The following NOX3 variants were observed in gnomAD, a reference collection of about 807,000 sequenced individuals.
NOX3 encodes the protein NADPH oxidase 3, also known as NADPH oxidase catalytic subunit-like 3.
In NOX3, 74 loss-of-function variants were observed where a neutral mutation model predicts 76.7. That is an observed-to-expected ratio of 0.96 (90% confidence interval 0.80 to 1.17). The LOEUF (loss-of-function observed/expected upper bound fraction) is 1.17. Ranked by LOEUF, NOX3 falls within the 50% of genes most tolerant of loss-of-function variation. The pLI is 0.00. For synonymous variants in NOX3, 263 were observed against 261.1 expected (o/e 1.01, Z -0.07); for missense variants, 695 against 703.3 (o/e 0.99, Z 0.13).
At chr6:155,449,535 A>G (rs1009868268) in intron 4 of NOX3, among the ~76,000 whole-genome samples, 12 of 152,188 alleles carry the variant, frequency 7.9e-5, no homozygotes, top group Non-Finnish European at 1.6e-4. Flanking sequence ...AGCTCTTATC[A>G]TAGGCAGACA....
chr6:155,423,564 T>G (rs1056813043), intron 9 of NOX3, among the ~76,000 whole-genome samples: 1 of 152,148 alleles, frequency 6.6e-6, no homozygotes, highest in African/African-American at 2.4e-5. Context: ...CATGGTCCTA[T>G]GCAGACTGGT....
At chr6:155,445,945 AATATATATATGCTATATATATATAAT>A in intron 4 of NOX3, among the ~76,000 whole-genome samples, 1 of 139,532 alleles carries the variant, frequency 7.2e-6, no homozygotes, top group Non-Finnish European at 1.5e-5. Flanking sequence ...ATAGATATAT[AATATATATATGCTATATATATATAAT>A]ATATATATGC....
chr6:155,451,066 C>T (rs1300086699), intron 4 of NOX3, among the ~76,000 whole-genome samples: 2 of 152,016 alleles, frequency 1.3e-5, no homozygotes, highest in Non-Finnish European at 2.9e-5. Flanking sequence ...ACAACCTCCA[C>T]CTCCCGGGTT....
intron 4 of NOX3, among the ~76,000 whole-genome samples, chr6:155,451,071 C>T (rs1041056961): frequency 3.3e-5 from 5 of 151,958 alleles, no homozygotes; most frequent in Admixed American, 1.3e-4. Flanking sequence ...CTCCACCTCC[C>T]GGGTTCAGAT....
intron 12 of NOX3, among the ~76,000 whole-genome samples, chr6:155,400,235 C>T (rs1779205029): frequency 6.6e-6 from 1 of 152,192 alleles, no homozygotes; most frequent in Non-Finnish European, 1.5e-5. Context: ...CGTGTGGGTG[C>T]GCCCGGGAGT....
chr6:155,411,126 A>G (rs1412985553), intron 11 of NOX3, 88 bp downstream of exon 11: 1 of 996,576 alleles, frequency 1.0e-6, no homozygotes. Flanking sequence ...ATGCTATCAG[A>G]GTGCTACATA....
chr6:155,402,070 A>G (rs1248424729), intron 12 of NOX3, among the ~76,000 whole-genome samples: 1 of 152,188 alleles, frequency 6.6e-6, no homozygotes, highest in African/African-American at 2.4e-5. Flanking sequence ...TTTTATTTTC[A>G]TTCTGTCTAC....
At chr6:155,430,786 A>T (rs962466486) in intron 8 of NOX3, 57 bp downstream of exon 8, 5 of 1,202,422 alleles carry the variant, frequency 4.2e-6, no homozygotes, top group Admixed American at 2.0e-5. Flanking sequence ...ATTTGGGCTA[A>T]TAAAAAATTT....
At chr6:155,406,715 T>C (rs1188970304) in intron 12 of NOX3, among the ~76,000 whole-genome samples, 1 of 152,322 alleles carries the variant, frequency 6.6e-6, no homozygotes, top group East Asian at 1.9e-4. Context: ...AGCCAGATGC[T>C]GGGTTCTTAA....
At chr6:155,420,137 C>T (rs1054494539) in intron 10 of NOX3, among the ~76,000 whole-genome samples, 2 of 152,028 alleles carry the variant, frequency 1.3e-5, no homozygotes, top group Admixed American at 6.6e-5. Flanking sequence ...AGATATGTGA[C>T]ATAACAGTAG....
chr6:155,443,436 C>T lies in NOX3; in HGVS notation c.341-18G>A, dbSNP rs1172148169. ...GTGGATGGCTAGGACAAGGAGATGA[C>T]ACCAAACATGCACCCTGTGGCTTGC... On this transcript the variant is annotated intron_variant, in intron 4 of 13. Coordinates refer to ENST00000159060, the MANE Select transcript of NOX3 (RefSeq NM_015718.3). The T allele has an allele frequency of 4.3e-6, 7 of 1,612,254 alleles. No homozygotes were observed. The highest frequency in any genetic ancestry group is 5.9e-6 in the Non-Finnish European group (7 of 1,178,978).
intron 7 of NOX3, among the ~76,000 whole-genome samples, chr6:155,435,410 C>G (rs963666706): frequency 6.6e-6 from 1 of 152,196 alleles, no homozygotes; most frequent in Non-Finnish European, 1.5e-5. Context: ...TCTATACCGG[C>G]CATTAAAAGA....
intron 12 of NOX3, among the ~76,000 whole-genome samples, chr6:155,400,405 A>T (rs1779207042): frequency 6.6e-6 from 1 of 152,176 alleles, no homozygotes; most frequent in Non-Finnish European, 1.5e-5. Flanking sequence ...ATTACTTTAT[A>T]CCCTGAGTGC....
At chr6:155,454,118 C>T (rs1218307003) in intron 3 of NOX3, among the ~76,000 whole-genome samples, 1 of 152,096 alleles carries the variant, frequency 6.6e-6, no homozygotes, top group Non-Finnish European at 1.5e-5. Context: ...CACAGAGACA[C>T]AAAGTGAGCA....
rs1360106598 is a variant in NOX3, at chr6:155,434,287, G to T, written c.798+2131C>A. Among the ~76,000 whole-genome samples the T allele has an allele frequency of 2.0e-5, 3 of 152,182 alleles. No homozygotes were observed. In the South Asian group the frequency reaches 6.2e-4, roughly 32 times the overall value. Reference sequence around the variant, plus strand: ...GTAATTACAAAGTGTCAGCCTTATGGTTACGATGAGTTGATGCTGTGGTTA... The same window carrying T: ...GTAATTACAAAGTGTCAGCCTTATGTTTACGATGAGTTGATGCTGTGGTTA... On this transcript the variant is annotated intron_variant, in intron 7 of 13. Transcript: ENST00000159060.
At chr6:155,408,514 T>C (rs1327514926) in intron 11 of NOX3, among the ~76,000 whole-genome samples, 1 of 152,184 alleles carries the variant, frequency 6.6e-6, no homozygotes, top group Non-Finnish European at 1.5e-5. Context: ...CTGACTTTCC[T>C]GGCTGACCTT....
intron 5 of NOX3, among the ~76,000 whole-genome samples, chr6:155,440,958 C>A (rs1190505497): frequency 1.3e-5 from 2 of 152,138 alleles, no homozygotes; most frequent in African/African-American, 4.8e-5. Context: ...CCATGACTTG[C>A]ATTTCTTTCA....
chr6:155,406,962 C>A (rs140186640), intron 12 of NOX3, among the ~76,000 whole-genome samples, 168 bp downstream of exon 12: 25 of 152,312 alleles, frequency 1.6e-4, no homozygotes, highest in African/African-American at 5.3e-4. Context: ...TAAGCCAGTT[C>A]AGGAGAGGCT....
rs781366402 is a variant in NOX3, at chr6:155,436,450, G to T, written c.766C>A (p.Pro256Thr). 1 of 1,614,128 alleles carries T rather than the reference G, an allele frequency of 6.2e-7. No individual in the cohort carries two copies. The highest frequency in any genetic ancestry group is 1.7e-4 in the Middle Eastern group (1 of 6,060). Residue 256 changes from proline to threonine, a missense_variant, in exon 7 of 14, where the codon CCC becomes ACC. Transcript: ENST00000159060. Reference protein sequence around the residue: ...YAEWQTVAQCPVPQFSGKEPS... With the variant: ...YAEWQTVAQCTVPQFSGKEPS... ...TCCTTGCCAGAAAATTGAGGCACGG[G>T]GCATTGGGCCACTGTCTGCCATTCT...
Sources: allele counts gnomAD v4.1 joint callset (sites outside exome capture counted in the v4.1 genomes callset), GRCh38; gene constraint gnomAD v4.1.1; transcripts MANE v1.5; gene names NCBI Gene and HGNC (gene_info 2026-07-23, HGNC 2026-07-21).